Variants in POLA1 observed in about 807,000 individuals in gnomAD.
The protein encoded by POLA1 is DNA polymerase alpha 1, catalytic subunit.
A neutral mutation model predicts 124.0 loss-of-function variants in POLA1; 15 were observed. That is an observed-to-expected ratio of 0.12 (90% CI 0.08 to 0.19). The LOEUF (loss-of-function observed/expected upper bound fraction) is 0.19, where lower values mean the gene tolerates loss of function less well. Among genes scored for constraint, POLA1 ranks in the 10% least tolerant of loss-of-function variants. The probability of loss-of-function intolerance (pLI) is 1.00; values close to 1 mark genes in which losing one functional copy is unlikely to be tolerated. For missense variants in POLA1, 886 were observed against 1,103.4 expected (o/e 0.80, Z 2.79); for synonymous variants, 408 against 389.4 (o/e 1.05, Z -0.56).
chrX:24,694,083 G>C lies in POLA1; in HGVS notation c.43+79G>C. The C allele has an allele frequency of 3.2e-6, 3 of 947,100 alleles. No individual in the cohort carries two copies. The South Asian group carries it at 7.0e-5, about 22-fold the overall frequency. The allele number at this position is 947,100 out of a possible 1,213,427, so 78.1% of individuals were successfully genotyped here. A position where few individuals can be genotyped will look rare whatever the true frequency, so the allele number is the denominator to read the frequency against. On this transcript the variant is annotated intron_variant, in intron 1 of 36. Transcript: ENST00000379068. ...CGGTGGTGGGGGTTCTGAGGGAGGC[G>C]CACACCCGGGTTTGTTTGGGCGCAG...
rs181345396 is a variant in POLA1 at position 24,739,651 on chromosome X, T to G, written c.2216+101T>G. The G allele has an allele frequency of 1.5e-4, 74 of 481,566 alleles. No homozygotes were observed. The African/African-American group carries it at 1.6e-3, about 11-fold the overall frequency. 39.7% of individuals were successfully genotyped at this position (481,566 alleles called of 1,213,427 possible). On this transcript the variant is annotated intron_variant, in intron 20 of 36. Coordinates refer to ENST00000379068, the MANE Select transcript of POLA1 (RefSeq NM_001330360.2). Reference sequence around the variant, plus strand: ...TCTGGAGGGACATGAGCCAGTGGTGTTGTAGAGGGGAAATTGTCTCTACTA... The same window carrying G: ...TCTGGAGGGACATGAGCCAGTGGTGGTGTAGAGGGGAAATTGTCTCTACTA...
chrX:24,704,078 C>T (rs1247666994), intron 3 of POLA1, among the ~76,000 whole-genome samples: 1 of 112,016 alleles, frequency 8.9e-6, no homozygotes, highest in African/African-American at 3.2e-5. Context: ...GATTCTTTTA[C>T]TTTTTATTCT....
intron 17 of POLA1, among the ~76,000 whole-genome samples, chrX:24,734,974 CT>C (rs778124991): frequency 4.5e-5 from 5 of 111,854 alleles, no homozygotes; most frequent in African/African-American, 1.6e-4. Context: ...CAGTTCTCAT[CT>C]TACCATTTGG....
intron 35 of POLA1, among the ~76,000 whole-genome samples, chrX:24,913,141 T>C (rs1188431625): frequency 2.7e-5 from 3 of 112,180 alleles, no homozygotes; most frequent in Admixed American, 9.4e-5. Flanking sequence ...TTTCCTACCA[T>C]GGAATATTGC....
At chrX:24,843,229 C>T (rs895233720) in intron 33 of POLA1, among the ~76,000 whole-genome samples, 8 of 111,751 alleles carry the variant, frequency 7.2e-5, no homozygotes, top group African/African-American at 2.6e-4. Flanking sequence ...AGGTTTATTT[C>T]CAGTAACATG....
intron 36 of POLA1, among the ~76,000 whole-genome samples, chrX:24,948,125 T>G (rs892819092): frequency 8.9e-6 from 1 of 112,058 alleles, no homozygotes; most frequent in Non-Finnish European, 1.9e-5. Context: ...GTTGTTTTTA[T>G]TATTATTATT....
chrX:24,728,273 T>C (rs1158518653), intron 15 of POLA1, among the ~76,000 whole-genome samples: 1 of 112,340 alleles, frequency 8.9e-6, no homozygotes, highest in Non-Finnish European at 1.9e-5. Context: ...TTCCCTCCTT[T>C]TTTTCTTCTT....
Position 24,725,971 on chromosome X carries a change from A to C in POLA1, c.1318-10A>C. ...GTCTTAAGGATTTTTTAAAATATCT[A>C]CTTACCCAGCCAGTGGAAAAGAACT... On this transcript the variant is annotated splice_polypyrimidine_tract_variant and intron_variant, in intron 12 of 36. Transcript: ENST00000379068. 8.8e-7 allele frequency: 1 copy of C among 1,130,714 alleles called. No homozygotes were observed. 93.2% of individuals were successfully genotyped at this position (1,130,714 alleles called of 1,213,427 possible).
chrX:24,914,681 G>GA (rs2047504646), intron 35 of POLA1, among the ~76,000 whole-genome samples: 1 of 112,021 alleles, frequency 8.9e-6, no homozygotes, highest in African/African-American at 3.2e-5. Flanking sequence ...CTGGATTTGT[G>GA]AAGCAGTGTG....
chrX:24,995,345 C>G (rs763705113), intron 36 of POLA1, among the ~76,000 whole-genome samples: 43 of 112,008 alleles, frequency 3.8e-4, no homozygotes, highest in African/African-American at 1.1e-3. Flanking sequence ...GCTGGAGGGA[C>G]TAGAAAATGC....
intron 15 of POLA1, among the ~76,000 whole-genome samples, chrX:24,729,466 A>G (rs1302392699): frequency 8.9e-6 from 1 of 111,975 alleles, no homozygotes; most frequent in Non-Finnish European, 1.9e-5. Flanking sequence ...GAAGTCGTAA[A>G]ATGGTGATTT....
intron 34 of POLA1, among the ~76,000 whole-genome samples, chrX:24,854,235 AG>A (rs1231357540): frequency 1.8e-5 from 2 of 110,577 alleles, no homozygotes; most frequent in Non-Finnish European, 3.8e-5. Flanking sequence ...TAGTAGAGAC[AG>A]GGTTTCACCA....
At chrX:24,793,114 G>A (rs779844686) in intron 26 of POLA1, among the ~76,000 whole-genome samples, 235 of 108,442 alleles carry the variant, frequency 2.2e-3, no homozygotes, top group Middle Eastern at 4.7e-3. Flanking sequence ...CCATCTCTAC[G>A]AAAAATACAA....
At chrX:24,715,798 C>T (rs140342689) in intron 6 of POLA1, among the ~76,000 whole-genome samples, 1,172 of 111,127 alleles carry the variant, frequency 0.011, 8 homozygotes, top group Non-Finnish European at 0.015. Flanking sequence ...TGTGAGTGCT[C>T]ACTGCTTGTG....
At chrX:24,830,670 C>G (rs1253660316) in intron 32 of POLA1, among the ~76,000 whole-genome samples, 1 of 111,927 alleles carries the variant, frequency 8.9e-6, no homozygotes, top group Non-Finnish European at 1.9e-5. Flanking sequence ...ATTTTTCTCT[C>G]TCTCATTCTA....
At chrX:24,695,725 G>C (rs1569267846) in intron 1 of POLA1, among the ~76,000 whole-genome samples, 1 of 111,718 alleles carries the variant, frequency 9.0e-6, no homozygotes, top group Non-Finnish European at 1.9e-5. Context: ...TGATCCACCT[G>C]TCTCTTCCTC....
intron 34 of POLA1, among the ~76,000 whole-genome samples, chrX:24,869,669 C>CTATA (rs1274967027): frequency 1.8e-5 from 2 of 112,136 alleles, no homozygotes; most frequent in Non-Finnish European, 3.8e-5. Flanking sequence ...CTATCCTAGA[C>CTATA]TATAGAGGCT....
intron 20 of POLA1, among the ~76,000 whole-genome samples, chrX:24,741,115 TTGTGTGTGTGTGTGTGTGTGTG>T (rs751996539): frequency 1.2e-4 from 11 of 89,557 alleles, no homozygotes; most frequent in African/African-American, 4.3e-4. Flanking sequence ...TTATGGGATT[TTGTGTGTGTGTGTGTGTGTGTG>T]TGTGTGTGTG....
At chrX:24,912,692 T>G (rs2147182839) in intron 35 of POLA1, among the ~76,000 whole-genome samples, 1 of 111,686 alleles carries the variant, frequency 9.0e-6, no homozygotes, top group East Asian at 2.8e-4. Context: ...ACCCCAACAC[T>G]TTAGGAGGTT....
Sources: allele counts gnomAD v4.1 joint callset (sites outside exome capture counted in the v4.1 genomes callset), GRCh38; gene constraint gnomAD v4.1.1; transcripts MANE v1.5; gene names NCBI Gene and HGNC (gene_info 2026-07-23, HGNC 2026-07-21).